Variants in SLC24A2 observed in about 807,000 individuals in gnomAD.
SLC24A2 encodes solute carrier family 24 member 2, also known as sodium/potassium/calcium exchanger 2.
A neutral mutation model predicts 62.0 loss-of-function variants in SLC24A2; 36 were observed. The observed-to-expected ratio is 0.58, with a 90% confidence interval of 0.44 to 0.77. The LOEUF (loss-of-function observed/expected upper bound fraction) is 0.77, where lower values mean the gene tolerates loss of function less well. Ranked by LOEUF, SLC24A2 falls within the 30% of genes least tolerant of loss-of-function variation. The pLI is 0.00. For synonymous variants in SLC24A2, 358 were observed against 294.0 expected (o/e 1.22, Z -2.23); for missense variants, 846 against 817.9 (o/e 1.03, Z -0.42).
At chr9:19,843,120 T>A in the SLC24A2 span, among the ~76,000 whole-genome samples, 2 of 152,152 alleles carry the variant, frequency 1.3e-5, no homozygotes, top group African/African-American at 4.8e-5. Flanking sequence ...AATAAAGATA[T>A]GCAGCCAGGT....
chr9:19,869,392 T>G, the SLC24A2 span, among the ~76,000 whole-genome samples: 1 of 152,224 alleles, frequency 6.6e-6, no homozygotes, highest in Non-Finnish European at 1.5e-5. Flanking sequence ...CTCTTGTACT[T>G]GAGCATTCGT....
At chr9:19,633,402 A>T (rs1818227039) in intron 2 of SLC24A2, among the ~76,000 whole-genome samples, 1 of 152,244 alleles carries the variant, frequency 6.6e-6, no homozygotes, top group African/African-American at 2.4e-5. Flanking sequence ...GTACCATTTT[A>T]CATTCTTACC....
chr9:19,825,745 T>C, the SLC24A2 span, among the ~76,000 whole-genome samples: 3 of 148,808 alleles, frequency 2.0e-5, no homozygotes, highest in East Asian at 1.9e-4. Flanking sequence ...CTAGAACAGA[T>C]TTTTTTTTTC....
the SLC24A2 span, among the ~76,000 whole-genome samples, chr9:20,221,729 G>C: frequency 1.3e-5 from 2 of 152,050 alleles, no homozygotes; most frequent in African/African-American, 4.8e-5. Context: ...TCAGAGAGCA[G>C]ACTTTTCCTT....
chr9:20,124,788 A>G, the SLC24A2 span, among the ~76,000 whole-genome samples: 1 of 152,210 alleles, frequency 6.6e-6, no homozygotes, highest in African/African-American at 2.4e-5. Context: ...ACATCTGCTT[A>G]TAGTCAGTAA....
chr9:20,227,307 G>C, the SLC24A2 span, among the ~76,000 whole-genome samples: 3 of 152,016 alleles, frequency 2.0e-5, no homozygotes, highest in Non-Finnish European at 4.4e-5. Flanking sequence ...GTATGTGATG[G>C]TGTGTAACCT....
chr9:19,580,804 G>A (rs1303509917), intron 5 of SLC24A2, among the ~76,000 whole-genome samples: 2 of 152,130 alleles, frequency 1.3e-5, no homozygotes, highest in Non-Finnish European at 2.9e-5. Context: ...CTGTTAAGTA[G>A]GGATTCCAGT....
intron 5 of SLC24A2, among the ~76,000 whole-genome samples, chr9:19,591,043 C>CT (rs1563985675): frequency 6.6e-6 from 1 of 152,106 alleles, no homozygotes; most frequent in Non-Finnish European, 1.5e-5. Context: ...TGGGCCTCCC[C>CT]TTTTTTCCCG....
chr9:19,802,297 C>A, the SLC24A2 span, among the ~76,000 whole-genome samples: 2 of 152,144 alleles, frequency 1.3e-5, no homozygotes, highest in African/African-American at 4.8e-5. Flanking sequence ...GTTCCTATTG[C>A]ATCTGAATAG....
chr9:19,622,993 C>T (rs1817946414), intron 2 of SLC24A2, among the ~76,000 whole-genome samples: 2 of 152,134 alleles, frequency 1.3e-5, no homozygotes, highest in Admixed American at 1.3e-4. Context: ...AGAGAAGTCT[C>T]TGTCCAGTTG....
chr9:19,663,583 C>T (rs553818118), intron 2 of SLC24A2, among the ~76,000 whole-genome samples: 8 of 152,270 alleles, frequency 5.3e-5, no homozygotes, highest in Admixed American at 2.0e-4. Context: ...CCTGGGTCCA[C>T]GTCCTGCAGG....
intron 2 of SLC24A2, among the ~76,000 whole-genome samples, chr9:19,714,632 A>AT (rs1488264230): frequency 1.3e-5 from 2 of 151,744 alleles, no homozygotes; most frequent in Non-Finnish European, 2.9e-5. Flanking sequence ...GTATTAAAAA[A>AT]TTTTTTTTGC....
chr9:19,727,369 G>A (rs1003768653), intron 2 of SLC24A2, among the ~76,000 whole-genome samples: 8 of 152,114 alleles, frequency 5.3e-5, no homozygotes, highest in Non-Finnish European at 8.8e-5. Flanking sequence ...TTAAGCCGGT[G>A]ATCATTTTGC....
chr9:20,117,460 C>A, the SLC24A2 span, among the ~76,000 whole-genome samples: 2 of 152,054 alleles, frequency 1.3e-5, no homozygotes, highest in African/African-American at 4.8e-5. Flanking sequence ...AACCAGCTGC[C>A]ACGTTTGTAT....
At chr9:19,588,308 T>C (rs1176462881) in intron 5 of SLC24A2, among the ~76,000 whole-genome samples, 4 of 151,850 alleles carry the variant, frequency 2.6e-5, no homozygotes, top group Admixed American at 2.0e-4. Context: ...GAATGAAAGA[T>C]AGCACGATAT....
intron 2 of SLC24A2, among the ~76,000 whole-genome samples, chr9:19,756,609 G>C (rs537658924): frequency 6.6e-6 from 1 of 152,074 alleles, no homozygotes; most frequent in African/African-American, 2.4e-5. Flanking sequence ...TTCTCTGCTT[G>C]GGCAGTCATG....
the SLC24A2 span, among the ~76,000 whole-genome samples, chr9:19,884,065 C>T: frequency 5.3e-5 from 8 of 152,072 alleles, no homozygotes; most frequent in East Asian, 1.9e-4. Flanking sequence ...AATAATAGGA[C>T]GAATGGTTGA....
chr9:19,546,659 C>G (rs1417585405), intron 8 of SLC24A2, among the ~76,000 whole-genome samples: 1 of 152,090 alleles, frequency 6.6e-6, no homozygotes, highest in Non-Finnish European at 1.5e-5. Context: ...GACCACTTGG[C>G]TCCCTGCCTT....
At chr9:20,028,880 G>A in the SLC24A2 span, among the ~76,000 whole-genome samples, 3 of 152,146 alleles carry the variant, frequency 2.0e-5, no homozygotes, top group African/African-American at 7.2e-5. Context: ...ACTTCTAAGT[G>A]AGAAAAAGCC....
Sources: allele counts gnomAD v4.1 joint callset (sites outside exome capture counted in the v4.1 genomes callset), GRCh38; gene constraint gnomAD v4.1.1; transcripts MANE v1.5; gene names NCBI Gene and HGNC (gene_info 2026-07-23, HGNC 2026-07-21).